Variants in ETFBKMT observed in about 807,000 individuals in gnomAD.
ETFBKMT encodes the protein electron transfer flavoprotein subunit beta lysine methyltransferase.
A neutral mutation model predicts 18.3 loss-of-function variants in ETFBKMT; 13 were observed. The ratio of observed to expected loss-of-function variants is 0.71; its 90% CI spans 0.46 to 1.13. ETFBKMT has a LOEUF of 1.13. Ranked by LOEUF, ETFBKMT falls within the 50% of genes most tolerant of loss-of-function variation. ETFBKMT has a pLI of 0.00. For missense variants in ETFBKMT, 293 were observed against 306.2 expected (o/e 0.96, Z 0.32); for synonymous variants, 84 against 107.9 (o/e 0.78, Z 1.37).
chr12:31,659,059 A>G (rs1440861840), upstream of ETFBKMT: 2 of 152,092 alleles, frequency 1.3e-5, no homozygotes, highest in Non-Finnish European at 2.9e-5. Context: ...TCAAAATTCT[A>G]CAAACATTGC....
intron 2 of ETFBKMT, among the ~76,000 whole-genome samples, chr12:31,663,206 C>A (rs1951150472): frequency 6.6e-6 from 1 of 152,062 alleles, no homozygotes; most frequent in South Asian, 2.1e-4. Context: ...CATTCTCCTG[C>A]CTCACCCTCC....
At chr12:31,663,217 T>A (rs557402166) in intron 2 of ETFBKMT, among the ~76,000 whole-genome samples, 6 of 152,086 alleles carry the variant, frequency 3.9e-5, no homozygotes, top group Non-Finnish European at 7.4e-5. Context: ...CTCACCCTCC[T>A]GAGTAGCTGG....
Position 31,662,181 on chromosome 12 carries a change from C to G in ETFBKMT, c.228C>G (p.Cys76Trp). The G allele has an allele frequency of 1.2e-6, 2 of 1,614,220 alleles. No homozygotes were observed. Among genetic ancestry groups the G allele is most frequent in the Non-Finnish European group, 1.7e-6 (2 of 1,180,040 alleles). The change falls in exon 2 of 4, where the codon TGC becomes TGG. Residue 76 changes from cysteine to tryptophan, a missense_variant. Transcript: ENST00000357721. ...AGTTGCGGCTTTTGACCCCCAGATG[C>G]AAATTCTGGTGGGAGAGAGCTGACC... ...EIQLRLLTPR[C>W]KFWWERADLW...
chr12:31,672,582 G>T lies in ETFBKMT; in HGVS notation c.*4592G>T. The T allele has an allele frequency of 4.7e-6, 2 of 421,988 alleles. No homozygotes were observed. The highest frequency in any genetic ancestry group is 8.5e-6 in the Non-Finnish European group (2 of 235,646). 26.1% of individuals were successfully genotyped at this position (421,988 alleles called of 1,614,324 possible). A position where few individuals can be genotyped will look rare whatever the true frequency, so the allele number is the denominator to read the frequency against. Reference sequence around the variant, plus strand: ...TTATTAGGTGTAGTGCACCTATCATGGTATTACTTGTTTAAAAAAAAAAAA... The same window carrying T: ...TTATTAGGTGTAGTGCACCTATCATTGTATTACTTGTTTAAAAAAAAAAAA... On this transcript the variant is annotated 3_prime_UTR_variant, in exon 4 of 4. Coordinates refer to ENST00000357721, the MANE Select transcript of ETFBKMT (RefSeq NM_001135863.2).
upstream of ETFBKMT, among the ~76,000 whole-genome samples, chr12:31,658,039 G>C (rs2139615473): frequency 6.6e-6 from 1 of 152,282 alleles, no homozygotes. Context: ...TGACTACCAA[G>C]CTTTTTTCCA....
At position 31,668,730 on chromosome 12, in the gene ETFBKMT, T is replaced by C. The variant is rs951163876; in HGVS notation, c.*740T>C. On this transcript the variant is annotated 3_prime_UTR_variant, in exon 4 of 4. Transcript: ENST00000357721. ...CCGGTCTCAAACTCCTGACCTCAGG[T>C]GATCCACCCGCCTTGGCCTCCCAAA... The C allele has an allele frequency of 6.6e-6, 1 of 152,256 alleles. No homozygotes were observed. The highest frequency in any genetic ancestry group is 6.5e-5 in the Admixed American group (1 of 15,276). The allele number at this position is 152,256 out of a possible 1,614,324, so 9.4% of individuals were successfully genotyped here.
At position 31,671,558 on chromosome 12, in the gene ETFBKMT, A is replaced by G. The variant is rs1371669995; in HGVS notation, c.*3568A>G. The G allele has an allele frequency of 6.6e-6, 1 of 152,254 alleles. No individual in the cohort carries two copies. The highest frequency in any genetic ancestry group is 1.5e-5 in the Non-Finnish European group (1 of 68,040). The allele number at this position is 152,254 out of a possible 1,614,324, so 9.4% of individuals were successfully genotyped here. A position where few individuals can be genotyped will look rare whatever the true frequency, so the allele number is the denominator to read the frequency against. On this transcript the variant is annotated 3_prime_UTR_variant, in exon 4 of 4. Coordinates refer to ENST00000357721, the MANE Select transcript of ETFBKMT (RefSeq NM_001135863.2). ...CTGTTTATTTCACAATGTGAAATCA[A>G]TAAACCTGAGGATACAAGTCTCTGT...
Position 31,659,792 on chromosome 12 carries a change from A to ATGACCTGACATGCATTT in ETFBKMT, c.-114+11_-114+27dup, listed in dbSNP as rs1408462128. The ATGACCTGACATGCATTT allele has an allele frequency of 6.6e-6, 1 of 152,120 alleles. No individual in the cohort carries two copies. The highest frequency in any genetic ancestry group is 1.5e-5 in the Non-Finnish European group (1 of 68,044). 9.4% of individuals were successfully genotyped at this position (152,120 alleles called of 1,614,324 possible). On this transcript the variant is annotated splice_donor_region_variant and intron_variant, in intron 1 of 3. Transcript: ENST00000357721. ...TCTACGCTGAGTTCACAGGCTATGT[A>ATGACCTGACATGCATTT]TGACCTGACATGCATTTTGACCTGC...
upstream of ETFBKMT, among the ~76,000 whole-genome samples, chr12:31,658,926 C>CTTTTT (rs10716608): frequency 1.5e-4 from 21 of 137,282 alleles, 2 homozygotes; most frequent in South Asian, 4.8e-3. Flanking sequence ...TATACTGTGT[C>CTTTTT]TTTTTTTTTT....
chr12:31,649,625 C>T (rs988918341), intron 1 of ETFBKMT, among the ~76,000 whole-genome samples: 2 of 151,984 alleles, frequency 1.3e-5, no homozygotes, highest in Non-Finnish European at 2.9e-5. Context: ...GCCAAAACAA[C>T]AATTACTTTT....
intron 1 of ETFBKMT, among the ~76,000 whole-genome samples, chr12:31,649,190 A>G (rs796258530): frequency 2.6e-4 from 40 of 152,330 alleles, no homozygotes; most frequent in African/African-American, 8.9e-4. Flanking sequence ...TATTTTTAGG[A>G]AATAATGACA....
chr12:31,647,644 C>T (rs1367844410), intron 1 of ETFBKMT, among the ~76,000 whole-genome samples: 4 of 152,128 alleles, frequency 2.6e-5, no homozygotes, highest in African/African-American at 7.2e-5. Context: ...GCCTGGCCAA[C>T]ATGGCAAAAC....
chr12:31,652,405 A>C (rs1951025869), intron 1 of ETFBKMT, among the ~76,000 whole-genome samples: 1 of 152,078 alleles, frequency 6.6e-6, no homozygotes, highest in Non-Finnish European at 1.5e-5. Context: ...ATTCCCCCGC[A>C]ATTTACTGCC....
upstream of ETFBKMT, among the ~76,000 whole-genome samples, chr12:31,658,492 C>T (rs957868906): frequency 6.6e-6 from 1 of 152,204 alleles, no homozygotes; most frequent in Admixed American, 6.5e-5. Flanking sequence ...AGTTTCCTTT[C>T]CTTGTAGTAG....
intron 1 of ETFBKMT, among the ~76,000 whole-genome samples, chr12:31,648,807 C>T (rs1950990968): frequency 6.6e-6 from 1 of 151,914 alleles, no homozygotes. Flanking sequence ...GTGATCTGCC[C>T]ACCTTGGCCT....
chr12:31,667,737 A>G lies in ETFBKMT; in HGVS notation c.536A>G (p.Asp179Gly), dbSNP rs764004720. The G allele has an allele frequency of 4.3e-6, 7 of 1,614,066 alleles. No individual in the cohort carries two copies. The South Asian group carries it at 4.4e-5, about 10-fold the overall frequency. The change falls in exon 4 of 4, where the codon GAT becomes GGT. Residue 179 changes from aspartate (D) to glycine (G), a missense_variant. By Grantham distance (94) the Asp-to-Gly change is moderately conservative (BLOSUM62 -1). Transcript: ENST00000357721. ...CAAAACATTTTGAATTTGGAACAAG[A>G]TAAGTGGGACCTTGTTGTTCTTGGC... ...LIQNILNLEQ[D>G]KWDLVVLGDM...
At chr12:31,666,845 G>A (rs1951202062) in intron 3 of ETFBKMT, among the ~76,000 whole-genome samples, 1 of 150,474 alleles carries the variant, frequency 6.6e-6, no homozygotes, top group South Asian at 2.1e-4. Flanking sequence ...TTTTAGTAGA[G>A]ATGGGGTTTC....
chr12:31,672,155 CTT>C lies in ETFBKMT; in HGVS notation c.*4166_*4167del, dbSNP rs1336557629. The stretch of plus-strand genomic sequence containing the variant: ...AGCACAAACCATGTATATACCAAGA[CTT>C]AGCTAATTCTCTGAGAGTTATAACT... On this transcript the variant is annotated 3_prime_UTR_variant, in exon 4 of 4. Coordinates refer to ENST00000357721, the MANE Select transcript of ETFBKMT (RefSeq NM_001135863.2). 4.9e-6 allele frequency: 3 copies of C among 613,770 alleles called. No homozygotes were observed. In the African/African-American group the frequency reaches 5.6e-5, roughly 11 times the overall value. 38.0% of individuals were successfully genotyped at this position (613,770 alleles called of 1,614,324 possible).
upstream of ETFBKMT, among the ~76,000 whole-genome samples, chr12:31,655,978 A>G (rs1951058798): frequency 6.6e-6 from 1 of 152,244 alleles, no homozygotes; most frequent in Admixed American, 6.5e-5. Flanking sequence ...AATATACCTC[A>G]ATAAAGCTGT....
Sources: allele counts gnomAD v4.1 joint callset (sites outside exome capture counted in the v4.1 genomes callset), GRCh38; gene constraint gnomAD v4.1.1; transcripts MANE v1.5; gene names NCBI Gene and HGNC (gene_info 2026-07-23, HGNC 2026-07-21).